The following LYPD6 variants were observed in gnomAD, a reference collection of about 807,000 sequenced individuals.
LYPD6 encodes the protein ly6/PLAUR domain-containing protein 6.
A neutral mutation model predicts 22.7 loss-of-function variants in LYPD6; 15 were observed. That is an observed-to-expected ratio of 0.66 (90% CI 0.44 to 1.02). LYPD6 has a LOEUF of 1.02. LYPD6 is among the 50% of genes least tolerant of loss of function. LYPD6 has a pLI of 0.00. For synonymous variants in LYPD6, 72 were observed against 77.5 expected, an observed-to-expected ratio of 0.93 and a Z score of 0.37; for missense variants, 189 against 208.4, an observed-to-expected ratio of 0.91 and a Z score of 0.57.
At chr2:149,351,210 A>G (rs1171268328) in intron 1 of LYPD6, among the ~76,000 whole-genome samples, 2 of 152,136 alleles carry the variant, frequency 1.3e-5, no homozygotes, top group Non-Finnish European at 2.9e-5. Flanking sequence ...CTTGGCCAAC[A>G]TGGTGAAACC....
chr2:149,458,257 A>G (rs557847546), intron 3 of LYPD6, among the ~76,000 whole-genome samples: 23 of 152,294 alleles, frequency 1.5e-4, no homozygotes, highest in Admixed American at 9.8e-4. Context: ...CACAGTGTCA[A>G]TGGAGACCGT....
chr2:149,469,541 C>G lies in LYPD6; in HGVS notation c.348+766C>G, dbSNP rs141360731. ...TGGTGGTTTGGGCAATGTCCATTCT[C>G]AATACCTGGGAACAGCACTGTTTCT... is the stretch of plus-strand genomic sequence containing the variant. On this transcript the variant is annotated intron_variant, in intron 4 of 4. Transcript: ENST00000334166. 1.9e-3 allele frequency among the ~76,000 whole-genome samples: 296 copies of G among 152,274 alleles called. 1 individual carries two copies. The highest frequency in any genetic ancestry group is 6.5e-3 in the African/African-American group (269 of 41,546).
At chr2:149,343,899 A>T (rs113886758) in intron 1 of LYPD6, among the ~76,000 whole-genome samples, 1 of 152,288 alleles carries the variant, frequency 6.6e-6, no homozygotes, top group Non-Finnish European at 1.5e-5. Context: ...CAGGAAAAAA[A>T]AAACAGTGGA....
At chr2:149,474,737 C>T (rs1196670), downstream of LYPD6, among the ~76,000 whole-genome samples, 133,511 of 152,178 alleles carry the variant, frequency 0.88, 58,607 homozygotes, top group East Asian at 0.99. Flanking sequence ...TTTGAAGATA[C>T]AGACTTACAT....
At chr2:149,345,059 T>TA (rs1172738567) in intron 1 of LYPD6, among the ~76,000 whole-genome samples, 1 of 151,490 alleles carries the variant, frequency 6.6e-6, no homozygotes, top group Admixed American at 6.6e-5. Flanking sequence ...ACTCCATCTT[T>TA]AAAAAAAATA....
intron 3 of LYPD6, among the ~76,000 whole-genome samples, chr2:149,449,549 C>T (rs1683763969): frequency 6.6e-6 from 1 of 152,206 alleles, no homozygotes; most frequent in African/African-American, 2.4e-5. Context: ...CAGAGACTTT[C>T]ATGCAGTCTC....
At chr2:149,342,468 G>C (rs796124749) in intron 1 of LYPD6, among the ~76,000 whole-genome samples, 6 of 152,204 alleles carry the variant, frequency 3.9e-5, no homozygotes, top group African/African-American at 1.2e-4. Flanking sequence ...TGGCTACCTA[G>C]TTATGGATAC....
intron 1 of LYPD6, among the ~76,000 whole-genome samples, chr2:149,348,061 C>CAAAA (rs58228847): frequency 1.5e-3 from 113 of 76,674 alleles, no homozygotes; most frequent in East Asian, 2.2e-3. Context: ...ACTAAAAATA[C>CAAAA]AAAAAAAAAA....
chr2:149,397,852 A>G (rs185217188), intron 1 of LYPD6, among the ~76,000 whole-genome samples: 64 of 152,326 alleles, frequency 4.2e-4, no homozygotes, highest in Admixed American at 2.8e-3. Context: ...TAAAAGCAGA[A>G]ATAAGATAGT....
intron 1 of LYPD6, among the ~76,000 whole-genome samples, chr2:149,398,255 T>C (rs1328538440): frequency 6.6e-6 from 1 of 152,206 alleles, no homozygotes; most frequent in African/African-American, 2.4e-5. Context: ...CTTCAGTTAC[T>C]GTCTCTCTTC....
chr2:149,341,867 A>C (rs958356492), intron 1 of LYPD6, among the ~76,000 whole-genome samples: 3 of 152,186 alleles, frequency 2.0e-5, no homozygotes, highest in African/African-American at 7.2e-5. Context: ...TCACCTCTTG[A>C]AAGTTCCATC....
chr2:149,440,693 CTTTTTTTTTTT>C (rs764789006), intron 2 of LYPD6, among the ~76,000 whole-genome samples: 6 of 91,100 alleles, frequency 6.6e-5, no homozygotes, highest in South Asian at 4.2e-4. Context: ...TTCTGTCCAC[CTTTTTTTTTTT>C]TTTTTTTTTT....
At chr2:149,401,596 TGGTGG>T (rs1472073794) in intron 1 of LYPD6, among the ~76,000 whole-genome samples, 4 of 152,236 alleles carry the variant, frequency 2.6e-5, no homozygotes, top group Admixed American at 6.5e-5. Context: ...TTTCTATATC[TGGTGG>T]AAATCTCTAC....
intron 1 of LYPD6, among the ~76,000 whole-genome samples, chr2:149,387,886 T>A (rs1682222171): frequency 6.6e-6 from 1 of 152,216 alleles, no homozygotes; most frequent in Non-Finnish European, 1.5e-5. Context: ...TCTTGGCCTA[T>A]GGAAGGTGGG....
intron 1 of LYPD6, among the ~76,000 whole-genome samples, chr2:149,435,940 T>C (rs1036061931): frequency 6.6e-6 from 1 of 152,216 alleles, no homozygotes; most frequent in Admixed American, 6.5e-5. Flanking sequence ...CATTTTATGG[T>C]TTCAGCTATT....
downstream of LYPD6, among the ~76,000 whole-genome samples, chr2:149,474,832 A>T (rs1215410024): frequency 6.6e-6 from 1 of 151,936 alleles, no homozygotes; most frequent in African/African-American, 2.4e-5. Context: ...CAATGGCATG[A>T]TCTCACACTT....
At chr2:149,443,924 G>A (rs1683623250) in intron 2 of LYPD6, among the ~76,000 whole-genome samples, 1 of 147,564 alleles carries the variant, frequency 6.8e-6, no homozygotes, top group Non-Finnish European at 1.5e-5. Context: ...AAAACAATGT[G>A]CATATCTTTT....
At chr2:149,347,439 A>C (rs1243181504) in intron 1 of LYPD6, among the ~76,000 whole-genome samples, 1 of 152,038 alleles carries the variant, frequency 6.6e-6, no homozygotes, top group Non-Finnish European at 1.5e-5. Context: ...CGTTCCCCCT[A>C]TTTTCCCCAA....
At chr2:149,466,675 A>G (rs1422649084) in intron 3 of LYPD6, among the ~76,000 whole-genome samples, 4 of 152,198 alleles carry the variant, frequency 2.6e-5, no homozygotes, top group African/African-American at 4.8e-5. Context: ...AAGTTCACCA[A>G]TTGTTATTTT....
Sources: allele counts gnomAD v4.1 joint callset (sites outside exome capture counted in the v4.1 genomes callset), GRCh38; gene constraint gnomAD v4.1.1; transcripts MANE v1.5; gene names NCBI Gene and HGNC (gene_info 2026-07-23, HGNC 2026-07-21).